The following SNX32 variants were observed in gnomAD, a reference collection of about 807,000 sequenced individuals.
SNX32 encodes the protein sorting nexin-32.
A neutral mutation model predicts 57.0 loss-of-function variants in SNX32; 58 were observed. That is an observed-to-expected ratio of 1.02 (90% CI 0.82 to 1.27). The LOEUF is 1.27. Among genes scored for constraint, SNX32 ranks in the 50% most tolerant of loss-of-function variants. The pLI, the probability that SNX32 is intolerant of heterozygous loss-of-function variation, is 0.00. For synonymous variants in SNX32, 262 were observed against 220.4 expected, an observed-to-expected ratio of 1.19 and a Z score of -1.67; for missense variants, 589 against 541.2, an observed-to-expected ratio of 1.09 and a Z score of -0.88.
chr11:65,849,366 G>C, intron 1 of SNX32, 112 bp from the exon 2 acceptor site: 1 of 791,028 alleles, frequency 1.3e-6, no homozygotes. Flanking sequence ...CTGGGGCATT[G>C]CTGAAGCAGT....
intron 1 of SNX32, among the ~76,000 whole-genome samples, chr11:65,849,260 G>A (rs1268439358): frequency 6.6e-6 from 1 of 152,216 alleles, no homozygotes; most frequent in East Asian, 1.9e-4. Flanking sequence ...TGTAAAATGG[G>A]AAGTTTTCTG....
At chr11:65,848,735 A>T (rs1442659705) in intron 1 of SNX32, among the ~76,000 whole-genome samples, 1 of 152,186 alleles carries the variant, frequency 6.6e-6, no homozygotes, top group Non-Finnish European at 1.5e-5. Context: ...CCCGCAAAAG[A>T]GGTGGGAATG....
chr11:65,836,604 C>T (rs1019970292), intron 1 of SNX32, among the ~76,000 whole-genome samples: 14 of 152,128 alleles, frequency 9.2e-5, no homozygotes, highest in Non-Finnish European at 1.8e-4. Context: ...CACATGCACA[C>T]GTGTTTGTTG....
At chr11:65,850,888 C>A in intron 6 of SNX32, 33 bp downstream of exon 6, 1 of 1,586,816 alleles carries the variant, frequency 6.3e-7, no homozygotes. Context: ...GGATTCAACC[C>A]AGCACCTCAA....
chr11:65,840,902 C>A (rs1858821642), intron 1 of SNX32, among the ~76,000 whole-genome samples: 1 of 151,270 alleles, frequency 6.6e-6, no homozygotes, highest in African/African-American at 2.4e-5. Flanking sequence ...TTGTGGGGAC[C>A]AAGGTAAATA....
At chr11:65,837,693 A>G (rs1858704548) in intron 1 of SNX32, among the ~76,000 whole-genome samples, 1 of 151,148 alleles carries the variant, frequency 6.6e-6, no homozygotes, top group African/African-American at 2.4e-5. Context: ...GGTGCCACAC[A>G]TCTGTAATCC....
intron 1 of SNX32, among the ~76,000 whole-genome samples, chr11:65,847,562 C>T (rs1859036192): frequency 6.6e-6 from 1 of 152,020 alleles, no homozygotes; most frequent in Non-Finnish European, 1.5e-5. Context: ...ATAATTGGTG[C>T]TTTACACTTA....
Position 65,850,224 on chromosome 11 carries a change from C to T in SNX32, c.327C>T (p.Ser109=). Reference sequence around the variant, plus strand: ...TACAGAAATTGGGCGAGGGGGACAGCTCTGTCACTCGGGAAGAGTTTGCCA... The same window carrying T: ...TACAGAAATTGGGCGAGGGGGACAGTTCTGTCACTCGGGAAGAGTTTGCCA... ...EKLQKLGEGD[S]SVTREEFAKM... The change falls in exon 4 of 13, where the codon AGC becomes AGT. Residue 109 remains serine (S), a synonymous_variant. Transcript: ENST00000308342. 2 of 1,614,238 alleles carry T rather than the reference C, an allele frequency of 1.2e-6. No homozygotes were observed. Among genetic ancestry groups the T allele is most frequent in the South Asian group, 1.1e-5 (1 of 91,088 alleles).
chr11:65,853,267 G>T lies in SNX32; in HGVS notation c.1159-15G>T, dbSNP rs759932731. 2 of 1,614,054 alleles carry T rather than the reference G, an allele frequency of 1.2e-6. No homozygotes were observed. Among genetic ancestry groups the T allele is most frequent in the South Asian group, 2.2e-5 (2 of 91,082 alleles). On this transcript the variant is annotated splice_polypyrimidine_tract_variant and intron_variant, in intron 12 of 12. Coordinates refer to ENST00000308342, the MANE Select transcript of SNX32 (RefSeq NM_152760.3). ...AGGGAGCAGGGGACTTCAAGGACCTGTTTCTCCTCTGCAGGCCAGCACCCT... is the reference window on the plus strand; with the variant it reads ...AGGGAGCAGGGGACTTCAAGGACCTTTTTCTCCTCTGCAGGCCAGCACCCT...
In SNX32 at chr11:65,851,301, G is replaced by C. The variant is rs1164424351; in HGVS notation, c.710-27G>C. On this transcript the variant is annotated intron_variant, in intron 7 of 12. Transcript: ENST00000308342. ...CAAGGCTTGACATGCAGATGTAGGG[G>C]CTCTGATGGGGGCTGTTCCCCAACA... The C allele has an allele frequency of 3.1e-6, 5 of 1,613,322 alleles. No individual in the cohort carries two copies. In the African/African-American group the frequency reaches 6.7e-5, roughly 22 times the overall value.
At chr11:65,850,975 G>C in intron 6 of SNX32, 80 bp from the exon 7 acceptor site, 1 of 1,514,616 alleles carries the variant, frequency 6.6e-7, no homozygotes. Flanking sequence ...TTTGGAAGGA[G>C]ATTTTGCCAA....
Position 65,852,798 on chromosome 11 carries a change from GCAGCCCCCAGCCC to G in SNX32, c.1072+15_1072+27del. 6.2e-7 allele frequency: 1 copy of G among 1,609,312 alleles called. No homozygotes were observed. The highest frequency in any genetic ancestry group is 8.5e-7 in the Non-Finnish European group (1 of 1,177,004). The stretch of plus-strand genomic sequence containing the variant: ...CGACTCCGCCAAGCAAGGTGAGCCC[GCAGCCCCCAGCCC>G]CAGCCTGGGGCCACATGCCCTGCCC... On this transcript the variant is annotated intron_variant, in intron 11 of 12. Coordinates refer to ENST00000308342, the MANE Select transcript of SNX32 (RefSeq NM_152760.3).
rs754387875 is a variant in SNX32 at position 65,849,937 on chromosome 11, C to T, written c.159C>T (p.Phe53=). Residue 53 remains phenylalanine (F), a synonymous_variant, in exon 3 of 13, where the codon TTC becomes TTT. Coordinates refer to ENST00000308342, the MANE Select transcript of SNX32 (RefSeq NM_152760.3). ...GCTTCCAGAGCTGCCTCCCTCACTT[C>T]GCCCAGACCGAGTTCTCAGTCGTGC... ...TVQTKSCLPH[F]AQTEFSVVRQ... The T allele has an allele frequency of 3.7e-5, 58 of 1,579,246 alleles. No individual in the cohort carries two copies. Among genetic ancestry groups the T allele is most frequent in the South Asian group, 8.1e-5 (7 of 86,234 alleles).
At chr11:65,834,511 T>G (rs1565243220) in intron 1 of SNX32, among the ~76,000 whole-genome samples, 2 of 150,850 alleles carry the variant, frequency 1.3e-5, no homozygotes, top group African/African-American at 4.9e-5. Flanking sequence ...TGCGTGCATG[T>G]CTGTGTCTGT....
At chr11:65,839,732 CAAAA>C (rs139892606) in intron 1 of SNX32, among the ~76,000 whole-genome samples, 5 of 120,476 alleles carry the variant, frequency 4.2e-5, no homozygotes, top group Non-Finnish European at 3.6e-5. Context: ...GACCCTGTCC[CAAAA>C]AAAAAAAAAA....
Position 65,853,302 on chromosome 11 carries a change from G to T in SNX32, c.1179G>T (p.Arg393=). The change falls in exon 13 of 13, where the codon CGG becomes CGT. Residue 393 remains arginine, a synonymous_variant. Transcript: ENST00000308342. The part of the protein sequence containing the change: ...KHAKASTLIL[R]NTLVALKGEP ...TGCAGGCCAGCACCCTGATTCTCCGGAACACCCTTGTTGCCCTAAAGGGGG... is the reference window on the plus strand; with the variant it reads ...TGCAGGCCAGCACCCTGATTCTCCGTAACACCCTTGTTGCCCTAAAGGGGG... 1.2e-6 allele frequency: 2 copies of T among 1,614,086 alleles called. No homozygotes were observed. Among genetic ancestry groups the T allele is most frequent in the Non-Finnish European group, 8.5e-7 (1 of 1,179,990 alleles).
chr11:65,843,437 C>T (rs1358104354), intron 1 of SNX32, among the ~76,000 whole-genome samples: 3 of 150,498 alleles, frequency 2.0e-5, no homozygotes, highest in Admixed American at 6.6e-5. Context: ...GGCGTTGTGG[C>T]GGGCACCTGT....
intron 1 of SNX32, among the ~76,000 whole-genome samples, chr11:65,840,017 T>A (rs1158504099): frequency 2.0e-5 from 3 of 152,008 alleles, no homozygotes; most frequent in Non-Finnish European, 4.4e-5. Flanking sequence ...TAGCCGGGCA[T>A]GGTAGTGCAT....
At chr11:65,849,430 G>A (rs377609840) in intron 1 of SNX32, 48 bp from the exon 2 acceptor site, 3 of 1,471,306 alleles carry the variant, frequency 2.0e-6, no homozygotes, top group African/African-American at 1.4e-5. Flanking sequence ...GCAAGGAAGG[G>A]CAAAGGGGCC....
Sources: gnomAD v4.1 joint callset for allele counts (sites outside exome capture counted in the v4.1 genomes callset) on GRCh38, gnomAD v4.1.1 for gene constraint, MANE v1.5 for transcripts, NCBI Gene and HGNC (gene_info 2026-07-23, HGNC 2026-07-21) for gene names.